MYO5A: variants seen among roughly 807,000 people sequenced by gnomAD.
MYO5A encodes myosin VA.
Under a neutral mutation model 249.7 loss-of-function variants are expected in MYO5A, and 98 were observed. The ratio of observed to expected loss-of-function variants is 0.39; its 90% CI spans 0.33 to 0.46. MYO5A has a LOEUF of 0.46. MYO5A is among the 20% of genes least tolerant of loss of function. The probability of loss-of-function intolerance (pLI) is 0.98; values close to 1 mark genes in which losing one functional copy is unlikely to be tolerated. For missense variants in MYO5A, 1,696 were observed against 2,308.8 expected (o/e 0.73, Z 5.44); for synonymous variants, 778 against 810.6 (o/e 0.96, Z 0.68).
intron 1 of MYO5A, among the ~76,000 whole-genome samples, chr15:52,471,981 G>A (rs538316928): frequency 1.6e-4 from 24 of 152,182 alleles, no homozygotes; most frequent in African/African-American, 1.7e-4. Context: ...TTACAGGCAT[G>A]AGCCACTGTT....
intron 1 of MYO5A, among the ~76,000 whole-genome samples, chr15:52,515,279 G>GA (rs764465649): frequency 2.6e-5 from 2 of 77,622 alleles, no homozygotes; most frequent in African/African-American, 7.5e-5. Flanking sequence ...CCTGTCTCAA[G>GA]AAAAAAAAAA....
intron 11 of MYO5A, among the ~76,000 whole-genome samples, chr15:52,392,903 TA>T (rs1284425641): frequency 6.6e-6 from 1 of 152,184 alleles, no homozygotes; most frequent in Non-Finnish European, 1.5e-5. Context: ...ACGTGAACTA[TA>T]AGAGCAAGAG....
At chr15:52,515,320 C>T (rs1218782259) in intron 1 of MYO5A, among the ~76,000 whole-genome samples, 2 of 151,038 alleles carry the variant, frequency 1.3e-5, no homozygotes, top group Non-Finnish European at 3.0e-5. Flanking sequence ...AGATAAGGGC[C>T]CCAAATAGAG....
At chr15:52,521,715 G>A (rs1293144907) in intron 1 of MYO5A, among the ~76,000 whole-genome samples, 2 of 152,196 alleles carry the variant, frequency 1.3e-5, no homozygotes, top group Non-Finnish European at 2.9e-5. Context: ...GATATTTAAC[G>A]CTAATGCCTG....
intron 1 of MYO5A, among the ~76,000 whole-genome samples, chr15:52,483,334 G>T (rs973389624): frequency 5.9e-5 from 9 of 152,126 alleles, no homozygotes; most frequent in Non-Finnish European, 8.8e-5. Context: ...GGATCATTTG[G>T]TTTCTTAGCA....
At chr15:52,461,176 C>T (rs1336941311) in intron 1 of MYO5A, among the ~76,000 whole-genome samples, 1 of 152,166 alleles carries the variant, frequency 6.6e-6, no homozygotes, top group East Asian at 1.9e-4. Context: ...TGATCTCCAA[C>T]TCCTGGGCTC....
At chr15:52,370,743 T>A (rs1467764351) in intron 21 of MYO5A, among the ~76,000 whole-genome samples, 1 of 152,222 alleles carries the variant, frequency 6.6e-6, no homozygotes, top group East Asian at 1.9e-4. Context: ...TATACTTGTT[T>A]TTGAAAACAG....
At chr15:52,354,876 A>T (rs2040138767) in intron 25 of MYO5A, among the ~76,000 whole-genome samples, 1 of 152,018 alleles carries the variant, frequency 6.6e-6, no homozygotes, top group Non-Finnish European at 1.5e-5. Context: ...AAAAAGAATG[A>T]AGTATATCAA....
intron 1 of MYO5A, among the ~76,000 whole-genome samples, chr15:52,526,909 T>C (rs1420326970): frequency 6.6e-6 from 1 of 152,184 alleles, no homozygotes; most frequent in East Asian, 1.9e-4. Context: ...AGATGACTGC[T>C]CACCATATAG....
intron 1 of MYO5A, among the ~76,000 whole-genome samples, chr15:52,463,816 A>C (rs1250615648): frequency 6.6e-6 from 1 of 152,268 alleles, no homozygotes; most frequent in Non-Finnish European, 1.5e-5. Flanking sequence ...CCACCAGATC[A>C]AAAGTTCATT....
At chr15:52,436,149 A>G (rs1005663132) in intron 1 of MYO5A, among the ~76,000 whole-genome samples, 2 of 152,136 alleles carry the variant, frequency 1.3e-5, no homozygotes, top group African/African-American at 4.8e-5. Flanking sequence ...GCTGGTCTCA[A>G]ACTCCTAGCC....
At chr15:52,360,219 T>C (rs914625051) in intron 24 of MYO5A, 138 bp from the exon 25 acceptor site, 8 of 696,118 alleles carry the variant, frequency 1.1e-5, no homozygotes, top group Non-Finnish European at 2.1e-5. Context: ...TCCATATTGT[T>C]TTGACCAAAT....
chr15:52,525,518 T>G (rs1186776194), intron 1 of MYO5A, among the ~76,000 whole-genome samples: 2 of 152,230 alleles, frequency 1.3e-5, no homozygotes, highest in Non-Finnish European at 2.9e-5. Flanking sequence ...TAATAGGAAC[T>G]GATCTGTATC....
intron 24 of MYO5A, 129 bp from the exon 25 acceptor site, chr15:52,360,210 C>T (rs2040447575): frequency 2.8e-6 from 2 of 713,316 alleles, no homozygotes; most frequent in Non-Finnish European, 2.5e-6. Context: ...GTGATTTGTT[C>T]CATATTGTTT....
intron 25 of MYO5A, among the ~76,000 whole-genome samples, chr15:52,357,358 T>G (rs1254928991): frequency 6.6e-6 from 1 of 151,938 alleles, no homozygotes; most frequent in Non-Finnish European, 1.5e-5. Flanking sequence ...AAAATATCAC[T>G]TGGAAATCAT....
At chr15:52,489,217 G>A (rs1477855745) in intron 1 of MYO5A, among the ~76,000 whole-genome samples, 2 of 152,200 alleles carry the variant, frequency 1.3e-5, no homozygotes, top group African/African-American at 4.8e-5. Flanking sequence ...CTGATTTCTT[G>A]GAGCTGACAC....
At chr15:52,388,207 G>A (rs183558391) in intron 13 of MYO5A, among the ~76,000 whole-genome samples, 100 of 152,280 alleles carry the variant, frequency 6.6e-4, no homozygotes, top group Admixed American at 1.5e-3. Flanking sequence ...ATGCTGGCCA[G>A]AGAGCTCTTC....
At chr15:52,368,648 TA>T (rs2040936756) in intron 22 of MYO5A, among the ~76,000 whole-genome samples, 2 of 152,186 alleles carry the variant, frequency 1.3e-5, no homozygotes, top group Admixed American at 1.3e-4. Context: ...CTCACACCTG[TA>T]AACCCAGCGC....
intron 6 of MYO5A, 98 bp downstream of exon 6, chr15:52,410,235 T>C (rs2043189906): frequency 7.3e-7 from 1 of 1,375,062 alleles, no homozygotes; most frequent in Non-Finnish European, 1.0e-6. Flanking sequence ...CATAATATGC[T>C]CAAGAGTATC....
Sources: gnomAD v4.1 joint callset for allele counts (sites outside exome capture counted in the v4.1 genomes callset) on GRCh38, gnomAD v4.1.1 for gene constraint, MANE v1.5 for transcripts, NCBI Gene and HGNC (gene_info 2026-07-23, HGNC 2026-07-21) for gene names.